Variants in TBC1D22A observed in about 807,000 individuals in gnomAD.
TBC1D22A encodes the protein putative GTPase activator.
TBC1D22A carries 38 observed loss-of-function variants against 60.2 expected under a neutral mutation model. The observed-to-expected ratio is 0.63, with a 90% CI of 0.49 to 0.83. The LOEUF is 0.83. TBC1D22A is among the 40% of genes least tolerant of loss of function. The pLI is 0.00. For synonymous variants in TBC1D22A, 302 were observed against 281.7 expected (o/e 1.07, Z -0.72); for missense variants, 628 against 701.0 (o/e 0.90, Z 1.18).
rs189329763 is a variant in TBC1D22A, at chr22:46,793,770, C to T, written c.389C>T (p.Pro130Leu). 2.1e-5 allele frequency: 34 copies of T among 1,604,232 alleles called. No homozygotes were observed. In the South Asian group the frequency reaches 2.2e-4, roughly 10 times the overall value. Reference sequence around the variant, plus strand: ...CAGAAGCCCAGGCCCGAGGCAGAGCCGCCCTCACCCCCCAGCGGCGACCTC... The same window carrying T: ...CAGAAGCCCAGGCCCGAGGCAGAGCTGCCCTCACCCCCCAGCGGCGACCTC... ...LQQKPRPEAEPPSPPSGDLRL... is the reference protein window; with the variant it reads ...LQQKPRPEAELPSPPSGDLRL... Residue 130 changes from proline (P) to leucine (L), a missense_variant, in exon 3 of 13, where the codon CCG (proline) becomes CTG (leucine). Physicochemically the swap from Pro to Leu is moderately conservative, Grantham distance 98. Transcript: ENST00000337137.
intron 11 of TBC1D22A, among the ~76,000 whole-genome samples, chr22:47,088,915 G>A (rs534345696): frequency 6.6e-6 from 1 of 152,178 alleles, no homozygotes; most frequent in African/African-American, 2.4e-5. Flanking sequence ...CATCTGCATA[G>A]GATCCAGCCT....
Position 47,158,073 on chromosome 22 carries a change from G to A in TBC1D22A, c.1426-15425G>A, listed in dbSNP as rs75102267. On this transcript the variant is annotated intron_variant, in intron 12 of 12. Coordinates refer to ENST00000337137, the MANE Select transcript of TBC1D22A (RefSeq NM_014346.5). ...CCCCCACCCCTGCATCTGTGAGGGC[G>A]CGTCTCACCCAGCACCACGGCCTTC... is the stretch of plus-strand genomic sequence containing the variant. Among the ~76,000 whole-genome samples the A allele has an allele frequency of 3.6e-3, 545 of 152,286 alleles. 3 individuals are homozygous for A. The highest frequency in any genetic ancestry group is 0.012 in the African/African-American group (514 of 41,544).
At chr22:46,936,669 G>T (rs767514347) in intron 8 of TBC1D22A, among the ~76,000 whole-genome samples, 1 of 152,228 alleles carries the variant, frequency 6.6e-6, no homozygotes, top group Non-Finnish European at 1.5e-5. Context: ...CTGCAATGGA[G>T]CCCTGAACAA....
intron 11 of TBC1D22A, among the ~76,000 whole-genome samples, chr22:47,078,988 C>G (rs2064339138): frequency 6.6e-6 from 1 of 152,034 alleles, no homozygotes; most frequent in Non-Finnish European, 1.5e-5. Context: ...TCTTTGCCCT[C>G]TCTAAACACC....
At chr22:47,037,381 G>A (rs933609983) in intron 11 of TBC1D22A, among the ~76,000 whole-genome samples, 183 bp downstream of exon 11, 6 of 152,196 alleles carry the variant, frequency 3.9e-5, no homozygotes, top group South Asian at 4.1e-4. Flanking sequence ...TGTAATCCTA[G>A]CACTTTGGGA....
chr22:46,812,538 C>A (rs1230878644), intron 4 of TBC1D22A, among the ~76,000 whole-genome samples: 1 of 152,214 alleles, frequency 6.6e-6, no homozygotes, highest in Non-Finnish European at 1.5e-5. Context: ...CTTCCCACCC[C>A]TTTGGGGACA....
intron 12 of TBC1D22A, among the ~76,000 whole-genome samples, chr22:47,143,401 G>A (rs2067177185): frequency 6.6e-6 from 1 of 152,238 alleles, no homozygotes; most frequent in Non-Finnish European, 1.5e-5. Context: ...TTGCAGCCAG[G>A]ATTTTACTGG....
At chr22:46,949,335 C>G (rs1432696533) in intron 8 of TBC1D22A, among the ~76,000 whole-genome samples, 1 of 152,216 alleles carries the variant, frequency 6.6e-6, no homozygotes, top group South Asian at 2.1e-4. Context: ...GAGTCATCCT[C>G]CCCATTCTCA....
chr22:47,124,015 AC>A (rs1430851400), intron 12 of TBC1D22A, among the ~76,000 whole-genome samples: 1 of 152,040 alleles, frequency 6.6e-6, no homozygotes, highest in East Asian at 1.9e-4. Context: ...AGGAAAGAGG[AC>A]ACCATTGACA....
chr22:46,797,679 A>T (rs2084717763), intron 4 of TBC1D22A, 59 bp downstream of exon 4: 2 of 1,497,508 alleles, frequency 1.3e-6, no homozygotes, highest in Non-Finnish European at 8.9e-7. Flanking sequence ...TCTGAAATAG[A>T]TCACATCTTA....
chr22:47,164,712 G>T (rs1470352406), intron 12 of TBC1D22A, among the ~76,000 whole-genome samples: 1 of 152,206 alleles, frequency 6.6e-6, no homozygotes, highest in East Asian at 1.9e-4. Flanking sequence ...CGGGTCTTCT[G>T]CAGCCTGAAG....
chr22:46,840,506 A>G (rs1291755740), intron 4 of TBC1D22A, among the ~76,000 whole-genome samples: 36 of 152,176 alleles, frequency 2.4e-4, no homozygotes, highest in Admixed American at 2.4e-3. Context: ...AGCCTGAGGC[A>G]GGTGGATCAC....
At chr22:47,170,537 G>T (rs1271325512) in intron 12 of TBC1D22A, among the ~76,000 whole-genome samples, 1 of 152,302 alleles carries the variant, frequency 6.6e-6, no homozygotes, top group Non-Finnish European at 1.5e-5. Context: ...TCCAAAATGC[G>T]AAAGGAAATG....
chr22:47,148,558 G>T lies in TBC1D22A; in HGVS notation c.1426-24940G>T, dbSNP rs113382520. Among the ~76,000 whole-genome samples, 1,075 of 152,020 alleles carry T rather than the reference G, an allele frequency of 7.1e-3. 16 individuals carry two copies. Among genetic ancestry groups the T allele is most frequent in the African/African-American group, 0.025 (1,016 of 41,450 alleles). ...CCCTCCCTGGAGTCCCTCCCCCGGG[G>T]TTCCTTTCCTGGGGTCCCTCTCTCT... On this transcript the variant is annotated intron_variant, in intron 12 of 12. Coordinates refer to ENST00000337137, the MANE Select transcript of TBC1D22A (RefSeq NM_014346.5).
At chr22:46,994,895 A>G (rs1010032114) in intron 9 of TBC1D22A, among the ~76,000 whole-genome samples, 1 of 152,222 alleles carries the variant, frequency 6.6e-6, no homozygotes, top group Non-Finnish European at 1.5e-5. Context: ...TCAGGACCAA[A>G]GATGATGACA....
chr22:46,844,786 C>T (rs1377069499), intron 4 of TBC1D22A, among the ~76,000 whole-genome samples: 1 of 152,166 alleles, frequency 6.6e-6, no homozygotes, highest in African/African-American at 2.4e-5. Flanking sequence ...TGAGGCTGGC[C>T]TGGACGTCTG....
rs1465318227 is a variant in TBC1D22A at position 47,028,831 on chromosome 22, A to G, written c.1202-8240A>G. ...AGGACCATTTAATGGTGGTGGGAGC[A>G]TTCTGTTTGTCCCCAAATGTGGGAC... On this transcript the variant is annotated intron_variant, in intron 10 of 12. Coordinates refer to ENST00000337137, the MANE Select transcript of TBC1D22A (RefSeq NM_014346.5). The surrounding 1 kb of genome is among the most constrained non-coding windows in gnomAD (Gnocchi z 4.4). 6.6e-6 allele frequency among the ~76,000 whole-genome samples: 1 copy of G among 152,170 alleles called. No individual in the cohort carries two copies. The highest frequency in any genetic ancestry group is 2.4e-5 in the African/African-American group (1 of 41,426).
intron 1 of TBC1D22A, among the ~76,000 whole-genome samples, chr22:46,781,784 A>G (rs1373963665): frequency 6.6e-6 from 1 of 152,098 alleles, no homozygotes; most frequent in Non-Finnish European, 1.5e-5. Flanking sequence ...GTCGTGGGTT[A>G]GAGTCTGTGA....
intron 8 of TBC1D22A, among the ~76,000 whole-genome samples, chr22:46,926,855 GAATT>G (rs972022740): frequency 6.6e-6 from 1 of 152,116 alleles, no homozygotes; most frequent in Admixed American, 6.5e-5. Context: ...CTTTGAGACT[GAATT>G]AATTATTAAC....
Sources: allele counts gnomAD v4.1 joint callset (sites outside exome capture counted in the v4.1 genomes callset), GRCh38; gene constraint gnomAD v4.1.1; non-coding constraint Gnocchi (gnomAD v3.1); transcripts MANE v1.5; gene names NCBI Gene and HGNC (gene_info 2026-07-23, HGNC 2026-07-21).